CUBN: variants seen among roughly 807,000 people sequenced by gnomAD.
CUBN encodes the protein cubilin.
Under a neutral mutation model 405.3 loss-of-function variants are expected in CUBN, and 282 were observed. That is an observed-to-expected ratio of 0.70 (90% confidence interval 0.63 to 0.77). CUBN has a LOEUF of 0.77. CUBN is among the 30% of genes least tolerant of loss of function. The pLI is 0.00. For synonymous variants in CUBN, 1,684 were observed against 1,617.0 expected, an observed-to-expected ratio of 1.04 and a Z score of -0.99; for missense variants, 4,514 against 4,475.2, an observed-to-expected ratio of 1.01 and a Z score of -0.25.
At position 16,874,466 on chromosome 10, in the gene CUBN, G is replaced by A; in HGVS notation, c.9144C>T (p.Ile3048=). The A allele has an allele frequency of 6.2e-7, 1 of 1,614,134 alleles. No individual in the cohort carries two copies. Among genetic ancestry groups the A allele is most frequent in the Non-Finnish European group, 8.5e-7 (1 of 1,180,002 alleles). The change falls in exon 58 of 67, where the codon ATC becomes ATT. Residue 3048 remains isoleucine, a synonymous_variant. Coordinates refer to ENST00000377833, the MANE Select transcript of CUBN (RefSeq NM_001081.4). ...CTGCGTATGAATAGGCAGGACTTGT[G>A]ATGATTCCAGAAGAGAAATTGAACA... ...GGVFNFSSGI[I]TSPAYSYADY...
rs1461341424 is a variant in CUBN, at chr10:16,890,478, C to T, written c.8648G>A (p.Cys2883Tyr). 1.9e-6 allele frequency: 3 copies of T among 1,614,048 alleles called. No individual in the cohort carries two copies. The highest frequency in any genetic ancestry group is 2.2e-5 in the East Asian group (1 of 44,882). The change falls in exon 55 of 67, where the codon TGT becomes TAT. Residue 2883 changes from cysteine to tyrosine, a missense_variant. Physicochemically the swap from Cys to Tyr is radical, Grantham distance 194 (BLOSUM62 -2). Transcript: ENST00000377833. ...EVDKALLATG[C>Y]GNVAPGPVIT... ...AACGGGACCCGGAGCCACGTTCCCA[C>T]AGCCAGTGGCTAGCAGGGCTTTGTC...
intron 51 of CUBN, among the ~76,000 whole-genome samples, chr10:16,902,134 C>A (rs1841407085): frequency 7.6e-6 from 1 of 132,232 alleles, no homozygotes; most frequent in South Asian, 2.2e-4. Flanking sequence ...TATATATACA[C>A]ACTATATATA....
At chr10:16,841,624 G>T (rs114981673) in intron 60 of CUBN, among the ~76,000 whole-genome samples, 2 of 151,968 alleles carry the variant, frequency 1.3e-5, no homozygotes, top group Non-Finnish European at 2.9e-5. Context: ...GTTCGATTCC[G>T]CTTCTTGAGC....
At chr10:16,884,151 T>G (rs1840743968) in intron 56 of CUBN, among the ~76,000 whole-genome samples, 1 of 152,180 alleles carries the variant, frequency 6.6e-6, no homozygotes, top group Admixed American at 6.5e-5. Context: ...GGCTAATTTT[T>G]TGCATTTTGT....
chr10:16,940,110 C>A lies in CUBN; in HGVS notation c.5470G>T (p.Val1824Phe). 1.2e-6 allele frequency: 2 copies of A among 1,614,110 alleles called. No individual in the cohort carries two copies. Among genetic ancestry groups the A allele is most frequent in the Non-Finnish European group, 1.7e-6 (2 of 1,179,990 alleles). ...AATCTGACCCACAGGGTATGTCCAA[C>A]GATGGAAGAATAATTGAGAGGGAAG... is the stretch of plus-strand genomic sequence containing the variant. ...NSFPLNYSSI[V>F]GHTLWVRFIS... Residue 1824 changes from valine (V) to phenylalanine (F), a missense_variant, in exon 37 of 67, where the codon GTT becomes TTT. By Grantham distance (50) the Val-to-Phe change is conservative (BLOSUM62 -1). Transcript: ENST00000377833.
At chr10:17,129,527 G>A in intron 1 of CUBN, 117 bp downstream of exon 1, 1 of 1,316,254 alleles carries the variant, frequency 7.6e-7, no homozygotes, top group Non-Finnish European at 1.1e-6. Flanking sequence ...TTCCCTGTTT[G>A]CTTCTCAACA....
intron 22 of CUBN, among the ~76,000 whole-genome samples, chr10:17,063,196 G>T (rs1835539642): frequency 6.6e-6 from 1 of 152,176 alleles, no homozygotes; most frequent in South Asian, 2.1e-4. Context: ...ACTGTGACAG[G>T]CTCCAGAATT....
At chr10:17,026,295 A>C (rs1834661507) in intron 27 of CUBN, among the ~76,000 whole-genome samples, 1 of 152,216 alleles carries the variant, frequency 6.6e-6, no homozygotes, top group Non-Finnish European at 1.5e-5. Flanking sequence ...TTAAATTTGA[A>C]GGGCTTTGAA....
chr10:17,033,241 T>G (rs1834822085), intron 27 of CUBN, among the ~76,000 whole-genome samples: 1 of 152,108 alleles, frequency 6.6e-6, no homozygotes, highest in Non-Finnish European at 1.5e-5. Context: ...CCCTCACATC[T>G]CAAGCCTCCT....
chr10:17,110,792 G>C, intron 9 of CUBN, 127 bp downstream of exon 9: 2 of 1,397,688 alleles, frequency 1.4e-6, no homozygotes. Context: ...CAAAGTGCTG[G>C]GATTACAGGC....
At chr10:17,077,414 A>T (rs570356482) in intron 17 of CUBN, among the ~76,000 whole-genome samples, 1 of 152,366 alleles carries the variant, frequency 6.6e-6, no homozygotes, top group African/African-American at 2.4e-5. Context: ...TTTTGAGCCT[A>T]GTGAGTCGTG....
chr10:17,049,805 C>G (rs1835222157), intron 22 of CUBN, among the ~76,000 whole-genome samples: 1 of 152,138 alleles, frequency 6.6e-6, no homozygotes. Context: ...CTTTCCCAAC[C>G]AAGCAGAATT....
At chr10:16,919,024 T>TAC (rs1358745392) in intron 44 of CUBN, among the ~76,000 whole-genome samples, 1 of 152,268 alleles carries the variant, frequency 6.6e-6, no homozygotes, top group Non-Finnish European at 1.5e-5. Context: ...TTACATGTTC[T>TAC]ACATTCAAGA....
At chr10:17,005,546 C>A (rs944617192) in intron 28 of CUBN, among the ~76,000 whole-genome samples, 2 of 152,178 alleles carry the variant, frequency 1.3e-5, no homozygotes, top group African/African-American at 4.8e-5. Context: ...CTTAGAAAAG[C>A]CTTCCTCTCC....
chr10:17,062,810 A>G (rs1473825426), intron 22 of CUBN, among the ~76,000 whole-genome samples: 1 of 152,248 alleles, frequency 6.6e-6, no homozygotes, highest in Non-Finnish European at 1.5e-5. Flanking sequence ...GAGGAGCTAG[A>G]AATCAACAAC....
chr10:17,092,985 G>T (rs1238876529), intron 14 of CUBN, among the ~76,000 whole-genome samples: 1 of 152,036 alleles, frequency 6.6e-6, no homozygotes, highest in Non-Finnish European at 1.5e-5. Flanking sequence ...TCATTTTCAG[G>T]CATTGAGAAC....
chr10:16,826,888 C>T (rs184868428), intron 66 of CUBN, among the ~76,000 whole-genome samples: 2 of 152,234 alleles, frequency 1.3e-5, no homozygotes, highest in Admixed American at 6.5e-5. Context: ...ACAAAAAAAC[C>T]CCTACCAATA....
chr10:16,953,975 A>G (rs907687598), intron 32 of CUBN, among the ~76,000 whole-genome samples: 3 of 152,160 alleles, frequency 2.0e-5, no homozygotes, highest in Admixed American at 2.0e-4. Flanking sequence ...GTGACTCCTC[A>G]GTTGGACAAT....
rs1233755659 is a variant in CUBN, at chr10:16,940,027, C to G, written c.5548+5G>C. On this transcript the variant is annotated splice_donor_5th_base_variant and intron_variant, in intron 37 of 66. Transcript: ENST00000377833. ...GAAGCTATCACTAAAATAGAAACAA[C>G]TTACTCTTCATAAATGTGGCCTGGA... 6.2e-7 allele frequency: 1 copy of G among 1,611,780 alleles called. No homozygotes were observed. Among genetic ancestry groups the G allele is most frequent in the Non-Finnish European group, 8.5e-7 (1 of 1,177,888 alleles).
Sources: allele counts gnomAD v4.1 joint callset (sites outside exome capture counted in the v4.1 genomes callset), GRCh38; gene constraint gnomAD v4.1.1; transcripts MANE v1.5; gene names NCBI Gene and HGNC (gene_info 2026-07-23, HGNC 2026-07-21).